CSNK2A2: variants seen among roughly 807,000 people sequenced by gnomAD.
CSNK2A2 encodes casein kinase 2 alpha 2, also known as casein kinase II subunit alpha'.
A neutral mutation model predicts 54.0 loss-of-function variants in CSNK2A2; 8 were observed. That is an observed-to-expected ratio of 0.15 (90% confidence interval 0.09 to 0.27). The LOEUF is 0.27. Ranked by LOEUF, CSNK2A2 falls within the 10% of genes least tolerant of loss-of-function variation. The pLI, the probability that CSNK2A2 is intolerant of heterozygous loss-of-function variation, is 1.00. For missense variants in CSNK2A2, 242 were observed against 439.4 expected, an observed-to-expected ratio of 0.55 and a Z score of 4.02; for synonymous variants, 141 against 153.9, an observed-to-expected ratio of 0.92 and a Z score of 0.62.
chr16:58,196,159 A>T (rs1962438953), intron 2 of CSNK2A2, among the ~76,000 whole-genome samples: 1 of 152,200 alleles, frequency 6.6e-6, no homozygotes. Context: ...TTTATTTTCT[A>T]ACAAACGGAG....
At chr16:58,186,937 G>T in intron 2 of CSNK2A2, 81 bp from the exon 3 acceptor site, 1 of 1,093,400 alleles carries the variant, frequency 9.1e-7, no homozygotes, top group Non-Finnish European at 1.4e-6. Flanking sequence ...TAGCCAATCA[G>T]ATGGATAGTA....
chr16:58,172,188 C>G (rs982433536), intron 5 of CSNK2A2, among the ~76,000 whole-genome samples: 1 of 150,490 alleles, frequency 6.6e-6, no homozygotes, highest in African/African-American at 2.4e-5. Context: ...ACTAACTATA[C>G]TGGATATCAT....
At chr16:58,178,711 T>C (rs1003872754) in intron 4 of CSNK2A2, among the ~76,000 whole-genome samples, 3 of 152,188 alleles carry the variant, frequency 2.0e-5, no homozygotes, top group East Asian at 3.8e-4. Context: ...TTGGCATATA[T>C]GAAGCATAAA....
At chr16:58,178,907 G>T (rs537732830) in intron 4 of CSNK2A2, among the ~76,000 whole-genome samples, 1 of 152,110 alleles carries the variant, frequency 6.6e-6, no homozygotes, top group Non-Finnish European at 1.5e-5. Flanking sequence ...TATAGGTCAC[G>T]TTCTCTGAAC....
intron 11 of CSNK2A2, chr16:58,163,761 C>T (rs756732778): frequency 9.0e-6 from 2 of 221,926 alleles, no homozygotes; most frequent in Non-Finnish European, 1.8e-5. Context: ...ACAGTGGTGC[C>T]CTGTTAAACA....
chr16:58,196,145 C>A (rs929343819), intron 2 of CSNK2A2, among the ~76,000 whole-genome samples: 2 of 152,136 alleles, frequency 1.3e-5, no homozygotes, highest in Admixed American at 1.3e-4. Context: ...CTTTTGATTA[C>A]CTATTTATTT....
At chr16:58,171,958 CATATATAT>C (rs71155247) in intron 5 of CSNK2A2, among the ~76,000 whole-genome samples, 5 of 31,334 alleles carry the variant, frequency 1.6e-4, no homozygotes, top group East Asian at 1.5e-3. Context: ...CTGGAGCATG[CATATATAT>C]ATATATATAT....
chr16:58,171,980 T>TATATATATATATATATATATATATA (rs1555505772), intron 5 of CSNK2A2, among the ~76,000 whole-genome samples: 3 of 37,080 alleles, frequency 8.1e-5, no homozygotes, highest in East Asian at 8.0e-4. Flanking sequence ...TATATATATA[T>TATATATATATATATATATATATATA]TTTTTTTTTT....
chr16:58,170,034 G>A (rs906072915), intron 5 of CSNK2A2, among the ~76,000 whole-genome samples: 3 of 151,462 alleles, frequency 2.0e-5, no homozygotes, highest in South Asian at 2.1e-4. Flanking sequence ...CAACAAAGCG[G>A]GTCTCAAAAA....
At chr16:58,167,861 G>A in intron 6 of CSNK2A2, 66 bp from the exon 7 acceptor site, 2 of 1,178,674 alleles carry the variant, frequency 1.7e-6, no homozygotes, top group Non-Finnish European at 2.5e-6. Flanking sequence ...TTAGAACAAG[G>A]CCACATCACA....
At chr16:58,165,899 A>G (rs1961548743) in intron 9 of CSNK2A2, among the ~76,000 whole-genome samples, 191 bp from the exon 10 acceptor site, 1 of 152,260 alleles carries the variant, frequency 6.6e-6, no homozygotes, top group South Asian at 2.1e-4. Flanking sequence ...CTCTGTGATT[A>G]GAAAAATACA....
intron 2 of CSNK2A2, among the ~76,000 whole-genome samples, chr16:58,193,263 C>CA (rs1411122213): frequency 1.3e-5 from 2 of 152,140 alleles, no homozygotes; most frequent in Non-Finnish European, 2.9e-5. Context: ...TAAAGATCAC[C>CA]AGCTCACGAT....
intron 4 of CSNK2A2, among the ~76,000 whole-genome samples, chr16:58,174,975 G>A (rs1961838402): frequency 6.6e-6 from 1 of 152,116 alleles, no homozygotes; most frequent in African/African-American, 2.4e-5. Flanking sequence ...GGCGACACAG[G>A]CTGTTCTCAA....
intron 3 of CSNK2A2, among the ~76,000 whole-genome samples, chr16:58,186,232 G>A (rs980469354): frequency 2.6e-5 from 4 of 152,126 alleles, no homozygotes; most frequent in African/African-American, 9.7e-5. Flanking sequence ...AAATATTTTA[G>A]TCTATCTACA....
chr16:58,184,114 T>C (rs1962133460), intron 4 of CSNK2A2, 146 bp downstream of exon 4: 2 of 621,438 alleles, frequency 3.2e-6, no homozygotes, highest in East Asian at 5.7e-5. Flanking sequence ...TTCTGCATCC[T>C]GCACTCATGC....
At chr16:58,181,172 A>C (rs997712998) in intron 4 of CSNK2A2, among the ~76,000 whole-genome samples, 2 of 152,226 alleles carry the variant, frequency 1.3e-5, no homozygotes, top group Non-Finnish European at 2.9e-5. Context: ...TTAAATCGTA[A>C]GAACTAAGAA....
At chr16:58,169,810 G>A (rs28434091) in intron 5 of CSNK2A2, among the ~76,000 whole-genome samples, 10 of 151,802 alleles carry the variant, frequency 6.6e-5, no homozygotes, top group Non-Finnish European at 1.3e-4. Flanking sequence ...CAGAACTTTC[G>A]GAGGCAGGCA....
Position 58,168,027 on chromosome 16 carries a change from T to C in CSNK2A2, c.514-232A>G, listed in dbSNP as rs1875524. On this transcript the variant is annotated intron_variant, in intron 6 of 11. Coordinates refer to ENST00000262506, the MANE Select transcript of CSNK2A2 (RefSeq NM_001896.4). ...AATTATCCTGGTTCATCCCTCTCTC[T>C]AGATCAACAGAGCTCAACCTTTTTT... 0.067 allele frequency among the ~76,000 whole-genome samples: 10,144 copies of C among 152,284 alleles called. 410 individuals are homozygous for C. Among genetic ancestry groups the C allele is most frequent in the South Asian group, 0.2 (971 of 4,828 alleles).
At chr16:58,188,607 G>T (rs1002255658) in intron 2 of CSNK2A2, among the ~76,000 whole-genome samples, 6 of 152,190 alleles carry the variant, frequency 3.9e-5, no homozygotes, top group African/African-American at 1.4e-4. Context: ...TGGCAAATGT[G>T]AATGAGAGCT....
Sources: allele counts gnomAD v4.1 joint callset (sites outside exome capture counted in the v4.1 genomes callset), GRCh38; gene constraint gnomAD v4.1.1; transcripts MANE v1.5; gene names NCBI Gene and HGNC (gene_info 2026-07-23, HGNC 2026-07-21).